The following RNF212 variants were observed in gnomAD, a reference collection of about 807,000 sequenced individuals.
RNF212 encodes the protein probable E3 SUMO-protein ligase RNF212.
A neutral mutation model predicts 34.7 loss-of-function variants in RNF212; 33 were observed. The observed-to-expected ratio is 0.95, with a 90% confidence interval of 0.72 to 1.27. The LOEUF (loss-of-function observed/expected upper bound fraction) is 1.27, where lower values mean the gene tolerates loss of function less well. RNF212 is among the 50% of genes most tolerant of loss of function. The pLI is 0.00. For synonymous variants in RNF212, 140 were observed against 136.1 expected, an observed-to-expected ratio of 1.03 and a Z score of -0.20; for missense variants, 377 against 362.2, an observed-to-expected ratio of 1.04 and a Z score of -0.33.
Position 1,072,587 on chromosome 4 carries a change from C to T in RNF212, c.*287G>A. On this transcript the variant is annotated 3_prime_UTR_variant, in exon 10 of 10. Transcript: ENST00000433731. Reference sequence around the variant, plus strand: ...CTCTAAGAAAAAGTTTTAAAAACCACCCAGTTAGAAAAAAATGATTTAAGT... The same window carrying T: ...CTCTAAGAAAAAGTTTTAAAAACCATCCAGTTAGAAAAAAATGATTTAAGT... 1 of 918,364 alleles carries T rather than the reference C, an allele frequency of 1.1e-6. No individual in the cohort carries two copies. The allele number at this position is 918,364 out of a possible 1,614,324, so 56.9% of individuals were successfully genotyped here.
intron 3 of RNF212, among the ~76,000 whole-genome samples, chr4:1,060,097 C>CAA (rs1162381231): frequency 7.1e-4 from 26 of 36,718 alleles, no homozygotes; most frequent in African/African-American, 1.9e-3. Flanking sequence ...GAAACTCCAT[C>CAA]AAAAAAAAAA....
intron 3 of RNF212, among the ~76,000 whole-genome samples, chr4:1,091,516 G>A (rs1722180271): frequency 6.6e-6 from 1 of 152,208 alleles, no homozygotes; most frequent in African/African-American, 2.4e-5. Context: ...GCTAACTGTG[G>A]CTCCACTGGT....
intron 3 of RNF212, among the ~76,000 whole-genome samples, chr4:1,063,584 CCAGCTCG>C (rs1717889774): frequency 6.6e-6 from 1 of 151,802 alleles, no homozygotes. Context: ...ACCTGTAATC[CCAGCTCG>C]TCAGGAGGCT....
At chr4:1,093,706 G>C (rs1367722879) in intron 3 of RNF212, 1 of 1,536,134 alleles carries the variant, frequency 6.5e-7, no homozygotes, top group African/African-American at 1.4e-5. Context: ...TCTGATGTCT[G>C]TGATAACAGA....
chr4:1,112,673 G>A (rs1725879105), intron 1 of RNF212, among the ~76,000 whole-genome samples: 1 of 149,092 alleles, frequency 6.7e-6, no homozygotes, highest in African/African-American at 2.5e-5. Context: ...AGGACTCGTG[G>A]CCCGACCCCT....
At chr4:1,074,338 C>T (rs2153037511) in intron 8 of RNF212, among the ~76,000 whole-genome samples, 1 of 152,344 alleles carries the variant, frequency 6.6e-6, no homozygotes, top group East Asian at 1.9e-4. Flanking sequence ...TCACTGCTGG[C>T]ATCTCCTGTT....
Position 1,089,323 on chromosome 4 carries a change from T to C in RNF212, c.303+1459A>G, listed in dbSNP as rs577271732. The stretch of plus-strand genomic sequence containing the variant: ...AGATTTAATGGCTGCCCTGCTGGGT[T>C]CTGGACTTGCATGGGGCCTGCAGCC... On this transcript the variant is annotated intron_variant, in intron 4 of 9. Coordinates refer to ENST00000433731, the MANE Select transcript of RNF212 (RefSeq NM_001131034.4). Among the ~76,000 whole-genome samples, 11 of 152,356 alleles carry C rather than the reference T, an allele frequency of 7.2e-5. No homozygotes were observed. The South Asian group carries it at 8.3e-4, about 11-fold the overall frequency.
chr4:1,090,606 C>G (rs1284339230), intron 4 of RNF212, among the ~76,000 whole-genome samples, 176 bp downstream of exon 4: 1 of 152,050 alleles, frequency 6.6e-6, no homozygotes, highest in African/African-American at 2.4e-5. Context: ...AAGGGTTGGG[C>G]AAATAGGCTG....
intron 4 of RNF212, among the ~76,000 whole-genome samples, chr4:1,088,488 A>G (rs1450100752): frequency 6.6e-6 from 1 of 152,236 alleles, no homozygotes; most frequent in Non-Finnish European, 1.5e-5. Context: ...TTAAAAGGGA[A>G]GCAGAACATA....
intron 3 of RNF212, among the ~76,000 whole-genome samples, chr4:1,091,681 G>A (rs900612416): frequency 6.6e-6 from 1 of 152,202 alleles, no homozygotes; most frequent in African/African-American, 2.4e-5. Flanking sequence ...TGGAAAGACA[G>A]GCCCAGCACA....
At chr4:1,061,687 G>A (rs531845459) in intron 3 of RNF212, among the ~76,000 whole-genome samples, 20 of 151,968 alleles carry the variant, frequency 1.3e-4, no homozygotes, top group African/African-American at 4.4e-4. Context: ...CGGACACCCC[G>A]GGACATCTCA....
downstream of RNF212, among the ~76,000 whole-genome samples, chr4:1,069,011 C>A (rs1184004039): frequency 6.6e-6 from 1 of 152,090 alleles, no homozygotes; most frequent in East Asian, 1.9e-4. Context: ...AGTTTGAGAC[C>A]ATCATGGGCA....
At chr4:1,086,398 A>T (rs567677572) in intron 4 of RNF212, among the ~76,000 whole-genome samples, 3 of 151,870 alleles carry the variant, frequency 2.0e-5, no homozygotes, top group Admixed American at 6.6e-5. Flanking sequence ...CCCACTGTCC[A>T]GTCTGTAATC....
intron 3 of RNF212, among the ~76,000 whole-genome samples, chr4:1,092,930 TC>T (rs1577745284): frequency 2.6e-5 from 4 of 151,284 alleles, no homozygotes; most frequent in African/African-American, 9.7e-5. Context: ...ATACCAGTTC[TC>T]CTCCATGGAG....
chr4:1,076,558 C>G (rs952279794), intron 8 of RNF212, among the ~76,000 whole-genome samples: 1 of 152,208 alleles, frequency 6.6e-6, no homozygotes, highest in African/African-American at 2.4e-5. Context: ...TCAGTCTGCA[C>G]AGGCAACAGG....
chr4:1,111,922 C>T (rs543846359), intron 1 of RNF212, among the ~76,000 whole-genome samples: 1 of 152,336 alleles, frequency 6.6e-6, no homozygotes, highest in South Asian at 2.1e-4. Flanking sequence ...AGATGAACTA[C>T]AGTTACATAC....
intron 3 of RNF212, among the ~76,000 whole-genome samples, chr4:1,060,753 C>G (rs536417569): frequency 6.6e-6 from 1 of 152,242 alleles, no homozygotes; most frequent in Admixed American, 6.5e-5. Flanking sequence ...CTGGAGGGGA[C>G]CGCGTACTGA....
chr4:1,081,258 G>A (rs367651991), intron 7 of RNF212, among the ~76,000 whole-genome samples, 161 bp downstream of exon 7: 12 of 151,564 alleles, frequency 7.9e-5, no homozygotes, highest in Non-Finnish European at 1.0e-4. Context: ...CCTGAGCCTC[G>A]CAGGGAGATG....
chr4:1,079,147 T>C (rs1008391998), intron 8 of RNF212, among the ~76,000 whole-genome samples: 2 of 139,872 alleles, frequency 1.4e-5, no homozygotes, highest in East Asian at 2.1e-4. Flanking sequence ...CAACACAGGG[T>C]CAACACAGGA....
Sources: gnomAD v4.1 joint callset for allele counts (sites outside exome capture counted in the v4.1 genomes callset) on GRCh38, gnomAD v4.1.1 for gene constraint, MANE v1.5 for transcripts, NCBI Gene and HGNC (gene_info 2026-07-23, HGNC 2026-07-21) for gene names.